Variants in A2ML1 observed in about 807,000 individuals in gnomAD.
A2ML1 encodes the protein alpha-2-macroglobulin-like protein 1.
In A2ML1, 161 loss-of-function variants were observed where a neutral mutation model predicts 181.9. The observed-to-expected ratio is 0.89, with a 90% CI of 0.78 to 1.01. A2ML1 has a LOEUF of 1.01. Among genes scored for constraint, A2ML1 ranks in the 50% least tolerant of loss-of-function variants. The probability of loss-of-function intolerance (pLI) is 0.00; values close to 1 mark genes in which losing one functional copy is unlikely to be tolerated. For missense variants in A2ML1, 1,670 were observed against 1,768.1 expected (o/e 0.94, Z 1.00); for synonymous variants, 663 against 666.8 (o/e 0.99, Z 0.09).
Position 8,854,831 on chromosome 12 carries a change from G to A in A2ML1, c.2764G>A (p.Gly922Arg). Residue 922 changes from glycine to arginine, a missense_variant and splice_region_variant, in exon 22 of 36, where the codon GGA (glycine) becomes AGA (arginine). By Grantham distance (125) the Gly-to-Arg change is moderately radical. Transcript: ENST00000299698. Reference sequence around the variant, plus strand: ...ACACAGCTCATTGCTGTGCCCAAAAGGTGGGTGGACTCAGAGCAGGATTGG... The same window carrying A: ...ACACAGCTCATTGCTGTGCCCAAAAAGTGGGTGGACTCAGAGCAGGATTGG... ...KTHSSLLCPKGKVASESVSLE... is the reference protein window; with the variant it reads ...KTHSSLLCPKRKVASESVSLE... The A allele has an allele frequency of 6.2e-7, 1 of 1,613,994 alleles. No homozygotes were observed. The highest frequency in any genetic ancestry group is 8.5e-7 in the Non-Finnish European group (1 of 1,180,026).
At position 8,869,193 on chromosome 12, in the gene A2ML1, A is replaced by G. The variant is rs926435081; in HGVS notation, c.4211A>G (p.Tyr1404Cys). The change falls in exon 33 of 36, where the codon TAC (tyrosine) becomes TGC (cysteine). Residue 1404 changes from tyrosine to cysteine, a missense_variant. Transcript: ENST00000299698. ...TTTGGAACTGACACACTTAACATTT[A>G]CTTGGATGAGGTAGGTATTCAGGAA... ...VEFGTDTLNIYLDELIKNTQT... is the reference protein window; with the variant it reads ...VEFGTDTLNICLDELIKNTQT... 1.9e-6 allele frequency: 3 copies of G among 1,613,906 alleles called. No individual in the cohort carries two copies. In the African/African-American group the frequency reaches 4.0e-5, roughly 22 times the overall value.
intron 7 of A2ML1, among the ~76,000 whole-genome samples, chr12:8,885,507 G>A (rs1944913776): frequency 6.6e-6 from 1 of 151,922 alleles, no homozygotes. Context: ...ACCCAGGTTG[G>A]AGTACAGTGG....
intron 28 of A2ML1, among the ~76,000 whole-genome samples, 153 bp from the exon 29 acceptor site, chr12:8,863,641 G>A (rs1363868305): frequency 6.6e-6 from 1 of 152,146 alleles, no homozygotes; most frequent in African/African-American, 2.4e-5. Context: ...TTACATCAAG[G>A]TCAATTAATC....
intron 28 of A2ML1, among the ~76,000 whole-genome samples, chr12:8,862,737 T>A (rs1336636897): frequency 6.6e-6 from 1 of 152,096 alleles, no homozygotes; most frequent in Non-Finnish European, 1.5e-5. Flanking sequence ...TCCGAGACAA[T>A]GGGTTAAATA....
At chr12:8,860,424 T>A (rs1050265853) in intron 26 of A2ML1, among the ~76,000 whole-genome samples, 1 of 152,184 alleles carries the variant, frequency 6.6e-6, no homozygotes, top group Non-Finnish European at 1.5e-5. Flanking sequence ...TTTTAAAAAT[T>A]TGCTTAGCTC....
At chr12:8,854,282 A>G in intron 21 of A2ML1, 33 bp downstream of exon 21, 1 of 1,560,690 alleles carries the variant, frequency 6.4e-7, no homozygotes, top group Non-Finnish European at 8.7e-7. Context: ...GACAGCAACC[A>G]ACCGAGGGAT....
Position 8,872,783 on chromosome 12 carries a change from C to CAA in A2ML1, c.4222-1628_4222-1627dup, listed in dbSNP as rs570693086. On this transcript the variant is annotated intron_variant, in intron 33 of 35. Coordinates refer to ENST00000299698, the MANE Select transcript of A2ML1 (RefSeq NM_144670.6). ...TGGGCAACAGAGTGAGACTCCATCT[C>CAA]AAAAAAAAAAAAAAAGAAAAAGAAA... Among the ~76,000 whole-genome samples the CAA allele has an allele frequency of 7.9e-3, 540 of 68,674 alleles. 4 individuals are homozygous for CAA. Among genetic ancestry groups the CAA allele is most frequent in the African/African-American group, 0.023 (482 of 21,406 alleles). 45.1% of individuals were successfully genotyped at this position (68,674 alleles called of 152,430 possible). A position where few individuals can be genotyped will look rare whatever the true frequency, so the allele number is the denominator to read the frequency against.
At position 8,824,395 on chromosome 12, in the gene A2ML1, TAGATG is replaced by T. The variant is rs200780474; in HGVS notation, c.409+518_409+522del. ...AGCTGGTGTATATATATTTATGGGGTAGATGAGATATTTTTATACACACACACAAT... is the reference window on the plus strand; with the variant it reads ...AGCTGGTGTATATATATTTATGGGGTAGATATTTTTATACACACACACAAT... On this transcript the variant is annotated intron_variant, in intron 3 of 35. Coordinates refer to ENST00000299698, the MANE Select transcript of A2ML1 (RefSeq NM_144670.6). Among the ~76,000 whole-genome samples the T allele has an allele frequency of 4.3e-3, 647 of 152,014 alleles. 2 individuals are homozygous for T. The highest frequency in any genetic ancestry group is 0.011 in the African/African-American group (438 of 41,448).
At chr12:8,874,047 G>A (rs914222938) in intron 33 of A2ML1, among the ~76,000 whole-genome samples, 5 of 151,752 alleles carry the variant, frequency 3.3e-5, no homozygotes, top group Non-Finnish European at 5.9e-5. Context: ...ATGGAGTCTC[G>A]CTCTGTCGCC....
intron 11 of A2ML1, among the ~76,000 whole-genome samples, chr12:8,842,511 G>T (rs760763919): frequency 4.6e-5 from 7 of 152,268 alleles, no homozygotes; most frequent in African/African-American, 1.7e-4. Context: ...GAGCCACCGC[G>T]CCCGGCCCCT....
chr12:8,829,156 T>C (rs757863148), intron 3 of A2ML1, among the ~76,000 whole-genome samples: 7 of 152,194 alleles, frequency 4.6e-5, no homozygotes, highest in Non-Finnish European at 8.8e-5. Flanking sequence ...AGTGCTGTTT[T>C]GCGTGGGCAG....
Position 8,822,701 on chromosome 12 carries a change from CAGA to C in A2ML1, c.55_57del (p.Glu19del). On this transcript the variant is annotated inframe_deletion, in exon 1 of 36. Transcript: ENST00000299698. ...ATGTTGGCCCTATCACCAGCCATTG[CAGA>C]AGAACTTCCGTGAGTGCTTGGTGTC... 1 of 1,614,152 alleles carries C rather than the reference CAGA, an allele frequency of 6.2e-7. No homozygotes were observed. The highest frequency in any genetic ancestry group is 8.5e-7 in the Non-Finnish European group (1 of 1,179,984).
chr12:8,854,206 A>C lies in A2ML1; in HGVS notation c.2669A>C (p.Gln890Pro), dbSNP rs768785455. Residue 890 changes from glutamine to proline, a missense_variant, in exon 21 of 36, where the codon CAA becomes CCA. Coordinates refer to ENST00000299698, the MANE Select transcript of A2ML1 (RefSeq NM_144670.6). ...GGGGGCCAGAAGGGGTTTGTTCCCC[A>C]AAAGGGCCGAAGTGACACGCTCATC... Reference protein sequence around the residue: ...PCGGQKGFVPQKGRSDTLIKP... With the variant: ...PCGGQKGFVPPKGRSDTLIKP... 21 of 1,609,456 alleles carry C rather than the reference A, an allele frequency of 1.3e-5. No homozygotes were observed. In the East Asian group the frequency reaches 4.0e-4, roughly 31 times the overall value.
intron 23 of A2ML1, among the ~76,000 whole-genome samples, chr12:8,856,647 T>C (rs766568135): frequency 6.6e-6 from 1 of 152,268 alleles, no homozygotes; most frequent in South Asian, 2.1e-4. Flanking sequence ...TGTTATAAGT[T>C]TTGTCACATC....
Position 8,852,061 on chromosome 12 carries a change from TC to T in A2ML1, c.2463+54del, listed in dbSNP as rs1224854523. On this transcript the variant is annotated intron_variant, in intron 19 of 35. Transcript: ENST00000299698. This position sits in a 1 kb window ranked among gnomAD's most constrained non-coding sequence, Gnocchi z 4.2. Reference sequence around the variant, plus strand: ...CAGGTGTCAGCCCTGGAATCACACCTCCCCCATAAGTTTGTCTCTAAATTGG... The same window carrying T: ...CAGGTGTCAGCCCTGGAATCACACCTCCCCATAAGTTTGTCTCTAAATTGG... The T allele has an allele frequency of 1.3e-6, 2 of 1,595,822 alleles. No individual in the cohort carries two copies. The highest frequency in any genetic ancestry group is 1.7e-6 in the Non-Finnish European group (2 of 1,165,600).
chr12:8,841,608 T>C (rs1943483695), intron 11 of A2ML1, 72 bp downstream of exon 11: 5 of 1,488,366 alleles, frequency 3.4e-6, no homozygotes, highest in Non-Finnish European at 4.6e-6. Context: ...AATTTTCCTG[T>C]TTCCTATTCT....
At position 8,839,141 on chromosome 12, in the gene A2ML1, C is replaced by T. The variant is rs778771908; in HGVS notation, c.999C>T (p.Ile333=). 2.7e-5 allele frequency: 44 copies of T among 1,613,326 alleles called. No individual in the cohort carries two copies. In the South Asian group the frequency reaches 4.2e-4, roughly 15 times the overall value. ...TGVEANATQN[I]YISPQMGSMT... ...TGGAGGCCAATGCCACTCAGAATAT[C>T]TACATTTCTCCACAAATGGGATCAA... The change falls in exon 10 of 36, where the codon ATC becomes ATT. Residue 333 remains isoleucine (I), a synonymous_variant. Transcript: ENST00000299698.
chr12:8,845,862 AAAT>A (rs1565475695), intron 13 of A2ML1, among the ~76,000 whole-genome samples: 14 of 59,948 alleles, frequency 2.3e-4, no homozygotes, highest in African/African-American at 6.9e-4. Context: ...AAAAAAAAAA[AAAT>A]AAATAAAATA....
rs890035932 is a variant in A2ML1 at position 8,873,626 on chromosome 12, A to G, written c.4222-799A>G. ...TACACACACATTTTTTTTCAGTAGT[A>G]ATAAGTGCTATGCAGCATAAGGGGA... On this transcript the variant is annotated intron_variant, in intron 33 of 35. Coordinates refer to ENST00000299698, the MANE Select transcript of A2ML1 (RefSeq NM_144670.6). 7.2e-5 allele frequency among the ~76,000 whole-genome samples: 11 copies of G among 152,268 alleles called. No individual in the cohort carries two copies. In the East Asian group the frequency reaches 2.1e-3, roughly 29 times the overall value.
Sources: allele counts gnomAD v4.1 joint callset (sites outside exome capture counted in the v4.1 genomes callset), GRCh38; gene constraint gnomAD v4.1.1; non-coding constraint Gnocchi (gnomAD v3.1); transcripts MANE v1.5; gene names NCBI Gene and HGNC (gene_info 2026-07-23, HGNC 2026-07-21).